The following WDR17 variants were observed in gnomAD, a reference collection of about 807,000 sequenced individuals.
WDR17 encodes the protein WD repeat-containing protein 17.
WDR17 carries 143 observed loss-of-function variants against 161.7 expected under a neutral mutation model. The observed-to-expected ratio is 0.88, with a 90% CI of 0.77 to 1.02. The LOEUF is 1.02. WDR17 is among the 50% of genes least tolerant of loss of function. WDR17 has a pLI of 0.00. For synonymous variants in WDR17, 517 were observed against 515.6 expected (o/e 1.00, Z -0.04); for missense variants, 1,469 against 1,520.9 (o/e 0.97, Z 0.57).
At chr4:176,120,919 C>T (rs1741472935) in intron 4 of WDR17, among the ~76,000 whole-genome samples, 1 of 151,906 alleles carries the variant, frequency 6.6e-6, no homozygotes, top group Non-Finnish European at 1.5e-5. Flanking sequence ...AATCTTTCTT[C>T]AGGAAATAAT....
rs1180008774 is a variant in WDR17 at position 176,119,881 on chromosome 4, C to G, written c.322C>G (p.Leu108Val). ...LDSTKGIPAS[L>V]SWCWNAEDVV... Reference sequence around the variant, plus strand: ...ATGTATTCCAGGGATCCCTGCTTCTCTTAGTTGGTGCTGGAATGCAGAGGA... The same window carrying G: ...ATGTATTCCAGGGATCCCTGCTTCTGTTAGTTGGTGCTGGAATGCAGAGGA... The change falls in exon 4 of 29, where the codon CTT (leucine) becomes GTT (valine). Residue 108 changes from leucine (L) to valine (V), a missense_variant. Leu to Val is a conservative substitution (Grantham distance 32). Transcript: ENST00000508596. The G allele has an allele frequency of 1.2e-6, 2 of 1,614,054 alleles. No individual in the cohort carries two copies. Among genetic ancestry groups the G allele is most frequent in the Admixed American group, 3.3e-5 (2 of 60,018 alleles).
chr4:176,114,654 A>G (rs1740304525), intron 2 of WDR17, among the ~76,000 whole-genome samples: 1 of 151,968 alleles, frequency 6.6e-6, no homozygotes, highest in Non-Finnish European at 1.5e-5. Flanking sequence ...GATAAGATAA[A>G]TAAGTAAACA....
chr4:176,125,058 C>T (rs1449898642), intron 4 of WDR17, 46 bp from the exon 5 acceptor site: 3 of 1,596,572 alleles, frequency 1.9e-6, no homozygotes, highest in Non-Finnish European at 2.6e-6. Context: ...AATTATTGAT[C>T]TTTTCTGCAA....
intron 23 of WDR17, 128 bp downstream of exon 23, chr4:176,168,911 C>T: frequency 1.0e-6 from 1 of 1,001,096 alleles, no homozygotes; most frequent in Non-Finnish European, 1.4e-6. Context: ...CCTACAAGTA[C>T]AACAAAAGTG....
intron 1 of WDR17, among the ~76,000 whole-genome samples, chr4:176,101,155 T>G (rs1249428832): frequency 1.3e-5 from 2 of 152,098 alleles, no homozygotes; most frequent in Non-Finnish European, 2.9e-5. Flanking sequence ...GTCCAGAGCG[T>G]AACTCTGGGG....
intron 1 of WDR17, among the ~76,000 whole-genome samples, chr4:176,079,571 T>G (rs912280391): frequency 6.6e-6 from 1 of 152,140 alleles, no homozygotes; most frequent in Non-Finnish European, 1.5e-5. Flanking sequence ...ATGGAATGTC[T>G]CTATCACCAG....
intron 22 of WDR17, among the ~76,000 whole-genome samples, chr4:176,164,581 G>C (rs971843289): frequency 6.6e-6 from 1 of 152,066 alleles, no homozygotes; most frequent in Admixed American, 6.6e-5. Context: ...ATCCAAAAAA[G>C]TCTGAAATCT....
In WDR17 at chr4:176,152,018, G is replaced by A. The variant is rs763767029; in HGVS notation, c.2460+51G>A. On this transcript the variant is annotated intron_variant, in intron 17 of 28. Transcript: ENST00000508596. The stretch of plus-strand genomic sequence containing the variant: ...ATGAGTTTAACATAGTAGTCTAAAC[G>A]TTAAGAATATACTCAATTTTAAGTA... 1.1e-5 allele frequency: 17 copies of A among 1,534,612 alleles called. No individual in the cohort carries two copies. In the African/African-American group the frequency reaches 1.5e-4, roughly 14 times the overall value.
chr4:176,128,576 T>A (rs910153672), intron 5 of WDR17, among the ~76,000 whole-genome samples, 162 bp from the exon 6 acceptor site: 3 of 152,144 alleles, frequency 2.0e-5, no homozygotes, highest in Admixed American at 2.0e-4. Context: ...TTAAATAGTA[T>A]TTCGGTTGTT....
chr4:176,169,628 A>C (rs564309164), intron 23 of WDR17, among the ~76,000 whole-genome samples: 1 of 152,314 alleles, frequency 6.6e-6, no homozygotes, highest in East Asian at 1.9e-4. Flanking sequence ...GAAGTTTTTC[A>C]CTTATTTGAA....
intron 23 of WDR17, among the ~76,000 whole-genome samples, chr4:176,171,788 G>T (rs2126881982): frequency 6.6e-6 from 1 of 151,726 alleles, no homozygotes; most frequent in East Asian, 1.9e-4. Flanking sequence ...TTTTTAATGA[G>T]GAATGTGGCT....
intron 1 of WDR17, among the ~76,000 whole-genome samples, chr4:176,070,513 C>G (rs1157162800): frequency 1.3e-5 from 2 of 151,456 alleles, no homozygotes; most frequent in Non-Finnish European, 2.9e-5. Context: ...CCCTTTTTTT[C>G]CACTTCTTTT....
chr4:176,075,587 A>G (rs1733856067), intron 1 of WDR17, among the ~76,000 whole-genome samples: 2 of 152,154 alleles, frequency 1.3e-5, no homozygotes, highest in Non-Finnish European at 2.9e-5. Flanking sequence ...AAAAGACTGT[A>G]ATTTTATTCA....
chr4:176,089,959 G>A (rs1159025495), intron 1 of WDR17, among the ~76,000 whole-genome samples: 4 of 151,978 alleles, frequency 2.6e-5, no homozygotes, highest in African/African-American at 7.2e-5. Context: ...AGCATAACTC[G>A]GAATTTCTGT....
intron 1 of WDR17, among the ~76,000 whole-genome samples, chr4:176,097,654 A>G (rs1161835715): frequency 1.3e-5 from 2 of 151,530 alleles, no homozygotes; most frequent in Non-Finnish European, 2.9e-5. Flanking sequence ...CTGAGTTTCA[A>G]TTTCAGGTAT....
chr4:176,165,021 A>G (rs1749562898), intron 22 of WDR17, among the ~76,000 whole-genome samples: 1 of 152,126 alleles, frequency 6.6e-6, no homozygotes, highest in Non-Finnish European at 1.5e-5. Context: ...GTTTTTAAAA[A>G]GTGAAGGTAA....
chr4:176,160,427 T>TTCTC lies in WDR17; in HGVS notation c.2658+302_2658+305dup, dbSNP rs1748857825. Among the ~76,000 whole-genome samples the TTCTC allele has an allele frequency of 2.0e-5, 3 of 152,190 alleles. No homozygotes were observed. The South Asian group carries it at 6.2e-4, about 32-fold the overall frequency. On this transcript the variant is annotated intron_variant, in intron 19 of 28. Transcript: ENST00000508596. ...ACCTCCACCTCCCAGGTTTAAGTGATTCTCCTGCCTCAGCCTCCCGAGTAG... is the reference window on the plus strand; with the variant it reads ...ACCTCCACCTCCCAGGTTTAAGTGATTCTCTCTCCTGCCTCAGCCTCCCGAGTAG...
At chr4:176,116,264 A>G (rs1433083736) in intron 3 of WDR17, among the ~76,000 whole-genome samples, 6 of 151,886 alleles carry the variant, frequency 4.0e-5, no homozygotes, top group African/African-American at 1.4e-4. Flanking sequence ...AAATAAATAT[A>G]AAAATAATAA....
intron 1 of WDR17, among the ~76,000 whole-genome samples, chr4:176,105,947 AAG>A (rs1738647964): frequency 6.6e-6 from 1 of 152,112 alleles, no homozygotes; most frequent in Non-Finnish European, 1.5e-5. Context: ...AACTAAGAAA[AAG>A]AGAGAAGACT....
Sources: gnomAD v4.1 joint callset for allele counts (sites outside exome capture counted in the v4.1 genomes callset) on GRCh38, gnomAD v4.1.1 for gene constraint, MANE v1.5 for transcripts, NCBI Gene and HGNC (gene_info 2026-07-23, HGNC 2026-07-21) for gene names.